Variants in PNPLA1 observed in about 807,000 individuals in gnomAD.
The protein encoded by PNPLA1 is omega-hydroxyceramide transacylase.
Under a neutral mutation model 51.7 loss-of-function variants are expected in PNPLA1, and 36 were observed. The ratio of observed to expected loss-of-function variants is 0.70; its 90% CI spans 0.53 to 0.92. PNPLA1 has a LOEUF of 0.92. PNPLA1 is among the 40% of genes least tolerant of loss of function. The pLI is 0.00. For missense variants in PNPLA1, 658 were observed against 682.5 expected, an observed-to-expected ratio of 0.96 and a Z score of 0.40; for synonymous variants, 293 against 280.1, an observed-to-expected ratio of 1.05 and a Z score of -0.46.
Position 36,293,141 on chromosome 6 carries a change from A to T in PNPLA1, c.504+15A>T. The T allele has an allele frequency of 6.2e-7, 1 of 1,612,554 alleles. No individual in the cohort carries two copies. Among genetic ancestry groups the T allele is most frequent in the South Asian group, 1.1e-5 (1 of 91,062 alleles). ...ACCGCGGTGTGGTGAGTGCTTCGGC[A>T]TGGTGAGGGGTGAGATGGGATCCAA... On this transcript the variant is annotated intron_variant, in intron 3 of 8. Transcript: ENST00000636260.
intron 1 of PNPLA1, among the ~76,000 whole-genome samples, chr6:36,278,555 G>T (rs1207356745): frequency 1.3e-5 from 2 of 152,170 alleles, no homozygotes; most frequent in East Asian, 1.9e-4. Context: ...GGATCCTTAG[G>T]GTTCTGCAGA....
intron 1 of PNPLA1, among the ~76,000 whole-genome samples, chr6:36,286,405 C>A (rs1169947063): frequency 6.6e-6 from 1 of 151,952 alleles, no homozygotes; most frequent in Non-Finnish European, 1.5e-5. Context: ...ATTGCTTGAG[C>A]CCAGGAGTTT....
intron 1 of PNPLA1, among the ~76,000 whole-genome samples, chr6:36,249,022 T>A (rs1270026564): frequency 6.6e-6 from 1 of 152,174 alleles, no homozygotes; most frequent in South Asian, 2.1e-4. Flanking sequence ...GAGTCCCACT[T>A]CATGCCAGGT....
chr6:36,288,441 C>CTTTTTTTTT (rs1770570548), intron 1 of PNPLA1, among the ~76,000 whole-genome samples: 1 of 112,860 alleles, frequency 8.9e-6, no homozygotes, highest in East Asian at 2.3e-4. Context: ...TAAGGAGACC[C>CTTTTTTTTT]TATTTTTTTT....
intron 8 of PNPLA1, 129 bp downstream of exon 8, chr6:36,307,841 A>ATTAGGGTGAGCCTT: frequency 8.2e-7 from 1 of 1,220,882 alleles, no homozygotes; most frequent in East Asian, 2.9e-5. Context: ...GGGCTTTGGA[A>ATTAGGGTGAGCCTT]CAGACACATC....
At chr6:36,289,871 A>G (rs1400437458) in intron 1 of PNPLA1, among the ~76,000 whole-genome samples, 2 of 152,198 alleles carry the variant, frequency 1.3e-5, no homozygotes, top group Admixed American at 1.3e-4. Context: ...GGAGTAGGGC[A>G]TCCTTAGTTT....
chr6:36,278,622 C>G (rs929270335), intron 1 of PNPLA1, among the ~76,000 whole-genome samples: 9 of 152,126 alleles, frequency 5.9e-5, no homozygotes, highest in African/African-American at 2.2e-4. Flanking sequence ...CTAGTACAGC[C>G]CCGCTGTTGT....
intron 5 of PNPLA1, among the ~76,000 whole-genome samples, chr6:36,299,623 T>C (rs1440290287): frequency 6.6e-6 from 1 of 152,130 alleles, no homozygotes; most frequent in African/African-American, 2.4e-5. Context: ...CGTGAGCCAC[T>C]GCGCCCGGCC....
intron 1 of PNPLA1, among the ~76,000 whole-genome samples, chr6:36,281,036 G>T (rs115544770): frequency 6.6e-6 from 1 of 152,116 alleles, no homozygotes; most frequent in East Asian, 1.9e-4. Flanking sequence ...CAATCAATCC[G>T]CCTGCCTCCG....
In PNPLA1 at chr6:36,280,361, T is replaced by C. The variant is rs559095201; in HGVS notation, c.205+9697T>C. ...AAGGACCCATCTCAGCTAGTTTGCATTGGCTCCGGCCAAACACCCTAGGAT... is the reference window on the plus strand; with the variant it reads ...AAGGACCCATCTCAGCTAGTTTGCACTGGCTCCGGCCAAACACCCTAGGAT... On this transcript the variant is annotated intron_variant, in intron 1 of 8. Coordinates refer to ENST00000636260, the MANE Select transcript of PNPLA1 (RefSeq NM_001374623.1). Among the ~76,000 whole-genome samples the C allele has an allele frequency of 3.9e-5, 6 of 152,342 alleles. No homozygotes were observed. The East Asian group carries it at 5.8e-4, about 15-fold the overall frequency.
At chr6:36,243,826 T>C (rs1769198964) in intron 1 of PNPLA1, among the ~76,000 whole-genome samples, 1 of 152,186 alleles carries the variant, frequency 6.6e-6, no homozygotes, top group Admixed American at 6.5e-5. Flanking sequence ...ATGAATTGCA[T>C]GTGCCCTCCA....
intron 1 of PNPLA1, among the ~76,000 whole-genome samples, chr6:36,284,062 A>G (rs188922131): frequency 6.6e-6 from 1 of 152,352 alleles, no homozygotes; most frequent in East Asian, 1.9e-4. Flanking sequence ...GTGATCAGTA[A>G]GAACCTGCAG....
At chr6:36,283,594 A>C (rs1452971893) in intron 1 of PNPLA1, among the ~76,000 whole-genome samples, 2 of 152,202 alleles carry the variant, frequency 1.3e-5, no homozygotes, top group African/African-American at 4.8e-5. Flanking sequence ...CGGGAGTTCA[A>C]GTCCAGCCTG....
chr6:36,283,885 C>T (rs1205631900), intron 1 of PNPLA1, among the ~76,000 whole-genome samples: 1 of 152,170 alleles, frequency 6.6e-6, no homozygotes, highest in African/African-American at 2.4e-5. Context: ...AGGCCACAGC[C>T]TAGATGAGAG....
At chr6:36,284,377 G>C (rs189288255) in intron 1 of PNPLA1, among the ~76,000 whole-genome samples, 297 of 152,364 alleles carry the variant, frequency 1.9e-3, no homozygotes, top group Non-Finnish European at 3.4e-3. Flanking sequence ...GAATAGGTCA[G>C]AGTTGTTTTG....
rs879528435 is a variant in PNPLA1, at chr6:36,294,024, C to T, written c.505-166C>T. On this transcript the variant is annotated intron_variant, in intron 3 of 8. Coordinates refer to ENST00000636260, the MANE Select transcript of PNPLA1 (RefSeq NM_001374623.1). This position sits in a 1 kb window ranked among gnomAD's most constrained non-coding sequence, Gnocchi z 4.2. ...TCACTAAGTGACCAGGGGCACACCA[C>T]GCACCCACCAGGACCTCCGTCTCCA... 4.3e-5 allele frequency: 32 copies of T among 746,168 alleles called. No individual in the cohort carries two copies. The highest frequency in any genetic ancestry group is 2.2e-4 in the South Asian group (12 of 54,658). 46.2% of individuals were successfully genotyped at this position (746,168 alleles called of 1,614,324 possible).
Position 36,270,425 on chromosome 6 carries a change from G to A in PNPLA1, c.-35G>A, listed in dbSNP as rs899415145. On this transcript the variant is annotated 5_prime_UTR_variant, in exon 1 of 9. Transcript: ENST00000636260. ...TCGGGCAGGCAAGTGCTGAAGGGTG[G>A]CTCCGCCTTCCGCAGAAAGTCAGAG... The A allele has an allele frequency of 3.9e-6, 6 of 1,547,676 alleles. No homozygotes were observed. In the African/African-American group the frequency reaches 8.2e-5, roughly 21 times the overall value.
rs1470018676 is a variant in PNPLA1 at position 36,307,697 on chromosome 6, CA to C, written c.1582del (p.Ser528AlafsTer44). On this transcript the variant is annotated frameshift_variant, in exon 8 of 9. Coordinates refer to ENST00000636260, the MANE Select transcript of PNPLA1 (RefSeq NM_001374623.1). LOFTEE classifies it low-confidence loss of function (END_TRUNC). ...CCAAGACATTCGGGATCCAAAAAAC[CA>C]AGCAGCAAAGTGCAGTGAGCATGTC... ...GFPRHSGSKK[P>X]SSKVQSAPCP... The C allele has an allele frequency of 2.5e-6, 4 of 1,613,786 alleles. No individual in the cohort carries two copies. In the African/African-American group the frequency reaches 4.0e-5, roughly 16 times the overall value.
At chr6:36,244,364 A>AG (rs989390012) in intron 1 of PNPLA1, among the ~76,000 whole-genome samples, 4 of 152,146 alleles carry the variant, frequency 2.6e-5, no homozygotes, top group Non-Finnish European at 5.9e-5. Flanking sequence ...TTAGACAAAA[A>AG]AAATGGTGGC....
Sources: allele counts gnomAD v4.1 joint callset (sites outside exome capture counted in the v4.1 genomes callset), GRCh38; gene constraint gnomAD v4.1.1; non-coding constraint Gnocchi (gnomAD v3.1); transcripts MANE v1.5; gene names NCBI Gene and HGNC (gene_info 2026-07-23, HGNC 2026-07-21).